MAF: variants seen among roughly 807,000 people sequenced by gnomAD.
MAF encodes the protein transcription factor Maf.
Under a neutral mutation model 22.0 loss-of-function variants are expected in MAF, and 10 were observed. The observed-to-expected ratio is 0.45, with a 90% CI of 0.28 to 0.77. The LOEUF (loss-of-function observed/expected upper bound fraction) is 0.77. MAF is among the 30% of genes least tolerant of loss of function. The probability of loss-of-function intolerance (pLI) is 0.12; values close to 1 mark genes in which losing one functional copy is unlikely to be tolerated. For missense variants in MAF, 544 were observed against 548.4 expected (o/e 0.99, Z 0.08); for synonymous variants, 337 against 255.8 (o/e 1.32, Z -3.03).
intron 1 of MAF, among the ~76,000 whole-genome samples, chr16:79,588,012 G>C (rs900956266): frequency 6.6e-6 from 1 of 152,190 alleles, no homozygotes; most frequent in African/African-American, 2.4e-5. Context: ...GGGTAAGAGA[G>C]ATTTTCGAGC....
At chr16:79,317,070 A>AT in the MAF span, among the ~76,000 whole-genome samples, 1 of 152,006 alleles carries the variant, frequency 6.6e-6, no homozygotes, top group African/African-American at 2.4e-5. Flanking sequence ...TCAGCCCTGG[A>AT]TTTTTTGTTT....
chr16:79,450,453 G>A, the MAF span, among the ~76,000 whole-genome samples: 15 of 152,228 alleles, frequency 9.9e-5, no homozygotes, highest in African/African-American at 2.6e-4. Flanking sequence ...ATACTCCTTC[G>A]GGTGTGAGCT....
the MAF span, among the ~76,000 whole-genome samples, chr16:79,327,394 T>G: frequency 1.3e-5 from 2 of 152,152 alleles, no homozygotes; most frequent in African/African-American, 2.4e-5. Context: ...GCGCTTTTGC[T>G]CTTTGATGTA....
chr16:79,371,420 G>C, the MAF span, among the ~76,000 whole-genome samples: 3 of 152,176 alleles, frequency 2.0e-5, no homozygotes, highest in African/African-American at 4.8e-5. Flanking sequence ...CGAGTGTCTA[G>C]AAATATGTGC....
chr16:79,487,206 CAA>C, the MAF span, among the ~76,000 whole-genome samples: 1,130 of 131,658 alleles, frequency 8.6e-3, 14 homozygotes, highest in South Asian at 0.064. Context: ...TGAACTAGTG[CAA>C]AAAAAAAAAA....
At chr16:79,421,993 G>A in the MAF span, among the ~76,000 whole-genome samples, 4 of 152,132 alleles carry the variant, frequency 2.6e-5, no homozygotes, top group Admixed American at 6.5e-5. Flanking sequence ...GGCCAGGCTG[G>A]TCTCGAACTC....
the MAF span, among the ~76,000 whole-genome samples, chr16:79,336,786 G>C: frequency 6.6e-6 from 1 of 152,126 alleles, no homozygotes; most frequent in Non-Finnish European, 1.5e-5. Flanking sequence ...ATTTGGTGAG[G>C]ATTTTTCTCT....
the MAF span, among the ~76,000 whole-genome samples, chr16:79,404,384 G>C: frequency 6.6e-6 from 1 of 151,962 alleles, no homozygotes; most frequent in Non-Finnish European, 1.5e-5. Context: ...GGATAGTCTC[G>C]ATCTCTTGAC....
At chr16:79,406,752 T>C in the MAF span, among the ~76,000 whole-genome samples, 1 of 152,096 alleles carries the variant, frequency 6.6e-6, no homozygotes, top group African/African-American at 2.4e-5. Flanking sequence ...AAAGCCTGTG[T>C]TTTCAACCGT....
chr16:79,271,732 T>C, the MAF span, among the ~76,000 whole-genome samples: 1 of 152,240 alleles, frequency 6.6e-6, no homozygotes, highest in African/African-American at 2.4e-5. Context: ...GTGATGTCTC[T>C]GAGGGATGTG....
the MAF span, among the ~76,000 whole-genome samples, chr16:79,413,525 G>A: frequency 6.6e-6 from 1 of 151,336 alleles, no homozygotes; most frequent in Non-Finnish European, 1.5e-5. Flanking sequence ...GAGCCACCGC[G>A]CCCGGCCGAG....
At chr16:79,222,519 AG>A in the MAF span, among the ~76,000 whole-genome samples, 250 of 152,292 alleles carry the variant, frequency 1.6e-3, 2 homozygotes, top group African/African-American at 5.7e-3. Flanking sequence ...AATAAAAAAA[AG>A]AAAACAATAT....
the MAF span, among the ~76,000 whole-genome samples, chr16:79,291,121 C>T: frequency 2.5e-4 from 38 of 152,204 alleles, 1 homozygote; most frequent in Middle Eastern, 6.8e-3. Flanking sequence ...GTGGAAGCCC[C>T]GCTTGTGGAA....
chr16:79,277,789 C>T, the MAF span, among the ~76,000 whole-genome samples: 50 of 152,234 alleles, frequency 3.3e-4, 1 homozygote, highest in Middle Eastern at 6.8e-3. Flanking sequence ...TGTATAAATA[C>T]GACAATTGCC....
the MAF span, among the ~76,000 whole-genome samples, chr16:79,281,111 A>C: frequency 2.0e-5 from 3 of 152,136 alleles, no homozygotes; most frequent in Admixed American, 1.3e-4. Context: ...TAGAGGATGA[A>C]TGATTATCCA....
At chr16:79,548,495 G>T in the MAF span, among the ~76,000 whole-genome samples, 1 of 152,154 alleles carries the variant, frequency 6.6e-6, no homozygotes, top group African/African-American at 2.4e-5. Context: ...TTCAATCTCT[G>T]GATTTAAAGA....
At chr16:79,340,563 T>C in the MAF span, among the ~76,000 whole-genome samples, 2 of 151,822 alleles carry the variant, frequency 1.3e-5, no homozygotes, top group Non-Finnish European at 1.5e-5. Context: ...CACTCCACTG[T>C]TGGCATTTGG....
chr16:79,508,385 C>T, the MAF span, among the ~76,000 whole-genome samples: 4 of 152,182 alleles, frequency 2.6e-5, no homozygotes, highest in Admixed American at 6.5e-5. Context: ...GGGGTCTCCA[C>T]TGAACTGCTT....
At chr16:79,598,217 G>C in intron 1 of MAF, 2 of 1,059,178 alleles carry the variant, frequency 1.9e-6, no homozygotes, top group East Asian at 5.2e-5. Flanking sequence ...AGTGAGGGTG[G>C]AGGTTGGAAA....
Sources: allele counts gnomAD v4.1 joint callset (sites outside exome capture counted in the v4.1 genomes callset), GRCh38; gene constraint gnomAD v4.1.1; transcripts MANE v1.5; gene names NCBI Gene and HGNC (gene_info 2026-07-23, HGNC 2026-07-21).